The following AGBL4 variants were observed in gnomAD, a reference collection of about 807,000 sequenced individuals.
AGBL4 encodes the protein AGBL carboxypeptidase 4, also known as cytosolic carboxypeptidase 6.
AGBL4 carries 58 observed loss-of-function variants against 66.4 expected under a neutral mutation model. The observed-to-expected ratio is 0.87, with a 90% CI of 0.71 to 1.09. AGBL4 has a LOEUF of 1.09. AGBL4 is among the 50% of genes least tolerant of loss of function. The probability of loss-of-function intolerance (pLI) is 0.00; values close to 1 mark genes in which losing one functional copy is unlikely to be tolerated. For missense variants in AGBL4, 579 were observed against 631.0 expected, an observed-to-expected ratio of 0.92 and a Z score of 0.88; for synonymous variants, 234 against 222.9, an observed-to-expected ratio of 1.05 and a Z score of -0.44.
intron 5 of AGBL4, among the ~76,000 whole-genome samples, chr1:48,926,278 TTTTATTTTA>T (rs1654558366): frequency 6.6e-6 from 1 of 151,252 alleles, no homozygotes; most frequent in South Asian, 2.1e-4. Context: ...TTTTATTTTA[TTTTATTTTA>T]TTTATTTTTG....
At chr1:49,184,790 T>G (rs951587202) in intron 4 of AGBL4, among the ~76,000 whole-genome samples, 2 of 152,202 alleles carry the variant, frequency 1.3e-5, no homozygotes, top group Non-Finnish European at 2.9e-5. Flanking sequence ...TCTGCCAATT[T>G]TGGCTTGCCA....
chr1:50,022,655 CA>C (rs1285749871), intron 1 of AGBL4, among the ~76,000 whole-genome samples: 6 of 129,464 alleles, frequency 4.6e-5, no homozygotes, highest in South Asian at 2.4e-4. Context: ...CACACACACA[CA>C]CACACCAGGA....
intron 2 of AGBL4, among the ~76,000 whole-genome samples, chr1:49,715,493 G>A (rs187806212): frequency 1.2e-4 from 19 of 152,108 alleles, no homozygotes; most frequent in Non-Finnish European, 2.4e-4. Context: ...TTATGGGATT[G>A]CTGGGTCAAA....
At chr1:50,018,512 A>G (rs916805236) in intron 1 of AGBL4, among the ~76,000 whole-genome samples, 14 of 152,146 alleles carry the variant, frequency 9.2e-5, no homozygotes, top group African/African-American at 3.4e-4. Flanking sequence ...GCTGAAATTT[A>G]ACAACTAATA....
intron 1 of AGBL4, among the ~76,000 whole-genome samples, chr1:49,913,251 T>C (rs1273639661): frequency 1.3e-5 from 2 of 152,184 alleles, no homozygotes; most frequent in African/African-American, 4.8e-5. Flanking sequence ...TCGAAGCAAG[T>C]TATCTACTTA....
intron 3 of AGBL4, among the ~76,000 whole-genome samples, chr1:49,247,389 C>G (rs1651727837): frequency 6.6e-6 from 1 of 152,024 alleles, no homozygotes; most frequent in African/African-American, 2.4e-5. Context: ...CATCTCTAGG[C>G]CTTTTGGTTT....
intron 1 of AGBL4, among the ~76,000 whole-genome samples, chr1:49,948,576 T>TAG (rs1213828658): frequency 8.3e-4 from 104 of 124,972 alleles, no homozygotes; most frequent in East Asian, 2.4e-3. Flanking sequence ...TATATATATA[T>TAG]ATATATAGAG....
At chr1:49,154,104 C>A (rs1646386719) in intron 4 of AGBL4, among the ~76,000 whole-genome samples, 1 of 152,018 alleles carries the variant, frequency 6.6e-6, no homozygotes, top group South Asian at 2.1e-4. Flanking sequence ...CAAAGCCAAG[C>A]AGAGTGCAGC....
chr1:49,282,828 C>A (rs187344489), intron 3 of AGBL4, among the ~76,000 whole-genome samples: 1 of 152,120 alleles, frequency 6.6e-6, no homozygotes, highest in African/African-American at 2.4e-5. Flanking sequence ...TAAAAAACGG[C>A]GCACCAAGAG....
chr1:49,309,575 T>C (rs1644908345), intron 3 of AGBL4, among the ~76,000 whole-genome samples: 1 of 152,090 alleles, frequency 6.6e-6, no homozygotes, highest in Non-Finnish European at 1.5e-5. Context: ...TACCTCTGGT[T>C]ACTTAATCCA....
chr1:49,580,567 T>C (rs949797368), intron 3 of AGBL4, among the ~76,000 whole-genome samples: 7 of 152,324 alleles, frequency 4.6e-5, no homozygotes, highest in African/African-American at 1.7e-4. Context: ...TGAGCATTTC[T>C]TGTAGAACTG....
At chr1:49,048,031 C>T (rs114156506) in intron 4 of AGBL4, among the ~76,000 whole-genome samples, 1,861 of 152,162 alleles carry the variant, frequency 0.012, 37 homozygotes, top group African/African-American at 0.043. Context: ...GTGGCATACA[C>T]GAGTCCCAGG....
At chr1:48,697,712 T>G (rs1000996073) in intron 6 of AGBL4, among the ~76,000 whole-genome samples, 2 of 152,190 alleles carry the variant, frequency 1.3e-5, no homozygotes, top group African/African-American at 4.8e-5. Flanking sequence ...ATTCACCTAC[T>G]CCATTAATTC....
chr1:49,899,644 T>C (rs1379901710), intron 1 of AGBL4, among the ~76,000 whole-genome samples: 2 of 152,186 alleles, frequency 1.3e-5, no homozygotes, highest in Non-Finnish European at 2.9e-5. Context: ...TCTTTGCCTA[T>C]AGAATCAAAA....
chr1:49,051,469 C>T (rs1361132992), intron 4 of AGBL4, among the ~76,000 whole-genome samples: 1 of 152,140 alleles, frequency 6.6e-6, no homozygotes, highest in Non-Finnish European at 1.5e-5. Context: ...AGCAAACTGG[C>T]ATGTAGTTTC....
intron 2 of AGBL4, among the ~76,000 whole-genome samples, chr1:49,750,762 C>T (rs1045559744): frequency 6.6e-6 from 1 of 152,104 alleles, no homozygotes; most frequent in Admixed American, 6.6e-5. Context: ...TCTCTTAGTT[C>T]CTTGAGGAGT....
At chr1:49,542,734 C>A (rs181996611) in intron 3 of AGBL4, among the ~76,000 whole-genome samples, 81 of 151,844 alleles carry the variant, frequency 5.3e-4, no homozygotes, top group African/African-American at 1.8e-3. Context: ...CCTGTCTCTA[C>A]TAAAAATACA....
At chr1:49,830,494 A>C (rs1249678486) in intron 2 of AGBL4, among the ~76,000 whole-genome samples, 2 of 152,062 alleles carry the variant, frequency 1.3e-5, no homozygotes, top group Non-Finnish European at 2.9e-5. Context: ...TTCTTTGTAG[A>C]TTCTGGATAT....
chr1:49,564,027 T>A (rs1391616195), intron 3 of AGBL4, among the ~76,000 whole-genome samples: 1 of 152,160 alleles, frequency 6.6e-6, no homozygotes, highest in Non-Finnish European at 1.5e-5. Flanking sequence ...TTCTTCCTGG[T>A]TTAGTCTTGG....
Sources: gnomAD v4.1 joint callset for allele counts (sites outside exome capture counted in the v4.1 genomes callset) on GRCh38, gnomAD v4.1.1 for gene constraint, MANE v1.5 for transcripts, NCBI Gene and HGNC (gene_info 2026-07-23, HGNC 2026-07-21) for gene names.